Variants in F13B observed in about 807,000 individuals in gnomAD.
F13B encodes the protein coagulation factor XIII B chain, also known as TGase.
A neutral mutation model predicts 79.8 loss-of-function variants in F13B; 58 were observed. The observed-to-expected ratio is 0.73, with a 90% CI of 0.59 to 0.90. The LOEUF (loss-of-function observed/expected upper bound fraction) is 0.90, where lower values mean the gene tolerates loss of function less well. F13B is among the 40% of genes least tolerant of loss of function. The pLI, the probability that F13B is intolerant of heterozygous loss-of-function variation, is 0.00. For missense variants in F13B, 773 were observed against 777.0 expected, an observed-to-expected ratio of 0.99 and a Z score of 0.06; for synonymous variants, 283 against 260.3, an observed-to-expected ratio of 1.09 and a Z score of -0.84.
intron 3 of F13B, 132 bp downstream of exon 3, chr1:197,061,652 T>C: frequency 1.3e-6 from 1 of 782,642 alleles, no homozygotes; most frequent in Non-Finnish European, 2.0e-6. Context: ...AGCAATGTAA[T>C]ATCAACTTCC....
At position 197,061,085 on chromosome 1, in the gene F13B, T is replaced by C. The variant is rs746832989; in HGVS notation, c.452-10A>G. On this transcript the variant is annotated splice_polypyrimidine_tract_variant and intron_variant, in intron 3 of 11. Coordinates refer to ENST00000367412, the MANE Select transcript of F13B (RefSeq NM_001994.3). ...GGAGCCAAACATGTTTCTAAAATTA[T>C]AAAAATTATTTATTTTATAAACTTT... is the stretch of plus-strand genomic sequence containing the variant. 4.7e-6 allele frequency: 6 copies of C among 1,280,704 alleles called. No individual in the cohort carries two copies. Among genetic ancestry groups the C allele is most frequent in the Non-Finnish European group, 6.4e-6 (6 of 932,744 alleles). The allele number at this position is 1,280,704 out of a possible 1,614,324, so 79.3% of individuals were successfully genotyped here.
At chr1:197,064,824 T>C (rs535114576) in intron 1 of F13B, among the ~76,000 whole-genome samples, 2 of 152,320 alleles carry the variant, frequency 1.3e-5, no homozygotes, top group South Asian at 4.1e-4. Flanking sequence ...CGAACAATCC[T>C]AGGAGCTGTG....
At chr1:197,060,627 A>C in intron 4 of F13B, 85 bp from the exon 5 acceptor site, 1 of 974,756 alleles carries the variant, frequency 1.0e-6, no homozygotes, top group South Asian at 1.6e-5. Context: ...TGACATAACT[A>C]GAATAGAAAT....
At chr1:197,039,693 A>C (rs945765536) in intron 11 of F13B, among the ~76,000 whole-genome samples, 1 of 152,080 alleles carries the variant, frequency 6.6e-6, no homozygotes, top group Non-Finnish European at 1.5e-5. Context: ...ATAGCATATA[A>C]AATTTTTTCC....
chr1:197,040,336 G>T, intron 11 of F13B, 186 bp downstream of exon 11: 1 of 557,556 alleles, frequency 1.8e-6, no homozygotes, highest in Non-Finnish European at 3.2e-6. Flanking sequence ...AGACAATTCA[G>T]AAGGCCTGTT....
rs1655669621 is a variant in F13B at position 197,057,076 on chromosome 1, G to A, written c.1108C>T (p.Leu370Phe). 6.2e-7 allele frequency: 1 copy of A among 1,613,680 alleles called. No homozygotes were observed. The highest frequency in any genetic ancestry group is 1.7e-5 in the Admixed American group (1 of 59,912). The change falls in exon 7 of 12, where the codon CTC (leucine) becomes TTC (phenylalanine). Residue 370 changes from leucine to phenylalanine, a missense_variant. Physicochemically the swap from Leu to Phe is conservative, Grantham distance 22. Coordinates refer to ENST00000367412, the MANE Select transcript of F13B (RefSeq NM_001994.3). ...CAAGTTATCTCATTCGATCCATGGA[G>A]AAGGTAGCCGCTTTTACATGCATAT... ...VTYACKSGYLLHGSNEITCNR... is the reference protein window; with the variant it reads ...VTYACKSGYLFHGSNEITCNR...
intron 10 of F13B, among the ~76,000 whole-genome samples, chr1:197,045,716 A>G (rs1655204230): frequency 6.6e-6 from 1 of 152,020 alleles, no homozygotes; most frequent in Non-Finnish European, 1.5e-5. Context: ...ACAACAAAAA[A>G]CAGAATTTAG....
At position 197,040,870 on chromosome 1, in the gene F13B, T is replaced by C. The variant is rs964850822; in HGVS notation, c.1739-135A>G. On this transcript the variant is annotated intron_variant, in intron 10 of 11. Coordinates refer to ENST00000367412, the MANE Select transcript of F13B (RefSeq NM_001994.3). ...CTCAGGCCTAAGAGCAGCAAGTCAGTTAATCAGAATTAATATTTGAGTCAG... is the reference window on the plus strand; with the variant it reads ...CTCAGGCCTAAGAGCAGCAAGTCAGCTAATCAGAATTAATATTTGAGTCAG... The C allele has an allele frequency of 9.2e-6, 6 of 651,710 alleles. No individual in the cohort carries two copies. The Admixed American group carries it at 1.8e-4, about 19-fold the overall frequency. 40.4% of individuals were successfully genotyped at this position (651,710 alleles called of 1,614,324 possible).
rs192220037 is a variant in F13B, at chr1:197,055,756, C to T, written c.1313G>A (p.Arg438His). ...YYLLRGSKIS[R>H]CEQGKWSSPP... Reference sequence around the variant, plus strand: ...GGATGACCATTTTCCTTGTTCGCAACGAGATATTTTTGATCCCCTCAGTAA... The same window carrying T: ...GGATGACCATTTTCCTTGTTCGCAATGAGATATTTTTGATCCCCTCAGTAA... The change falls in exon 8 of 12, where the codon CGT becomes CAT. Residue 438 changes from arginine (R) to histidine (H), a missense_variant. Coordinates refer to ENST00000367412, the MANE Select transcript of F13B (RefSeq NM_001994.3). 3.0e-5 allele frequency: 49 copies of T among 1,613,526 alleles called. No individual in the cohort carries two copies. Among genetic ancestry groups the T allele is most frequent in the Admixed American group, 1.2e-4 (7 of 59,894 alleles).
chr1:197,039,470 AC>A lies in F13B; in HGVS notation c.1953-60del, dbSNP rs1316315859. The A allele has an allele frequency of 1.9e-5, 26 of 1,334,854 alleles. No individual in the cohort carries two copies. In the African/African-American group the frequency reaches 2.4e-4, roughly 13 times the overall value. The allele number at this position is 1,334,854 out of a possible 1,614,324, so 82.7% of individuals were successfully genotyped here. A position where few individuals can be genotyped will look rare whatever the true frequency, so the allele number is the denominator to read the frequency against. Reference sequence around the variant, plus strand: ...CATCAATTGCAGTCAGGTGTTAATTACAATCTCAGCCTTTCAATTTTTCATA... The same window carrying A: ...CATCAATTGCAGTCAGGTGTTAATTAAATCTCAGCCTTTCAATTTTTCATA... On this transcript the variant is annotated intron_variant, in intron 11 of 11. Transcript: ENST00000367412.
In F13B at chr1:197,060,869, GAGT is replaced by G. The variant is rs760366877; in HGVS notation, c.628+27_628+29del. Reference sequence around the variant, plus strand: ...CTATGAGAAAAAGCTTTCAGAGTGAGAGTAGATTTTATTCCAAATGAGAACCTA... The same window carrying G: ...CTATGAGAAAAAGCTTTCAGAGTGAGAGATTTTATTCCAAATGAGAACCTA... On this transcript the variant is annotated intron_variant, in intron 4 of 11. Coordinates refer to ENST00000367412, the MANE Select transcript of F13B (RefSeq NM_001994.3). 109 of 1,593,460 alleles carry G rather than the reference GAGT, an allele frequency of 6.8e-5. 3 individuals carry two copies. The South Asian group carries it at 8.9e-4, about 13-fold the overall frequency.
Position 197,061,982 on chromosome 1 carries a change from A to G in F13B, c.266-13T>C. ...TTAGTGCATTTTTCTATGGGAAAAA[A>G]AATTATTTAACTTAATGATGAAACT... On this transcript the variant is annotated splice_polypyrimidine_tract_variant and intron_variant, in intron 2 of 11. Transcript: ENST00000367412. 6.2e-7 allele frequency: 1 copy of G among 1,601,402 alleles called. No homozygotes were observed. The highest frequency in any genetic ancestry group is 8.5e-7 in the Non-Finnish European group (1 of 1,170,352).
At chr1:197,059,702 C>T (rs915826609) in intron 5 of F13B, among the ~76,000 whole-genome samples, 1 of 152,140 alleles carries the variant, frequency 6.6e-6, no homozygotes, top group Non-Finnish European at 1.5e-5. Context: ...CCATTTGTCA[C>T]ATTATAGCAA....
At chr1:197,061,594 T>C (rs1401097286) in intron 3 of F13B, among the ~76,000 whole-genome samples, 190 bp downstream of exon 3, 3 of 152,102 alleles carry the variant, frequency 2.0e-5, no homozygotes, top group African/African-American at 7.2e-5. Context: ...AGGTGGGTTG[T>C]AGGGATTGAG....
At chr1:197,059,768 C>T (rs1382229218) in intron 5 of F13B, among the ~76,000 whole-genome samples, 1 of 152,040 alleles carries the variant, frequency 6.6e-6, no homozygotes, top group Non-Finnish European at 1.5e-5. Flanking sequence ...GTATAGGACC[C>T]TCCTCATATT....
intron 7 of F13B, among the ~76,000 whole-genome samples, chr1:197,056,179 CT>C (rs1367966959): frequency 1.3e-5 from 2 of 152,136 alleles, no homozygotes; most frequent in Non-Finnish European, 1.5e-5. Flanking sequence ...GAATGAGAAA[CT>C]GTTCTTCAAC....
In F13B at chr1:197,052,655, AT is replaced by A. The variant is rs1486137949; in HGVS notation, c.1533del (p.Lys511AsnfsTer30). On this transcript the variant is annotated frameshift_variant, in exon 9 of 12. Transcript: ENST00000367412. LOFTEE classifies it high-confidence loss of function. ...TTACCTTTTCTAGTACATAAAGGATATTTCACTTCTCCTCTGTTGCACTGCA... is the reference window on the plus strand; with the variant it reads ...TTACCTTTTCTAGTACATAAAGGATATTCACTTCTCCTCTGTTGCACTGCA... Reference protein sequence around the residue: ...LSVQCNRGEVKYPLCTRKESK... With the variant: ...LSVQCNRGEVXYPLCTRKESK... The A allele has an allele frequency of 6.2e-7, 1 of 1,611,006 alleles. No homozygotes were observed. The highest frequency in any genetic ancestry group is 8.5e-7 in the Non-Finnish European group (1 of 1,178,176).
chr1:197,062,978 T>A lies in F13B; in HGVS notation c.144A>T (p.Pro48=). 1 of 1,613,804 alleles carries A rather than the reference T, an allele frequency of 6.2e-7. No homozygotes were observed. Among genetic ancestry groups the A allele is most frequent in the Non-Finnish European group, 8.5e-7 (1 of 1,179,770 alleles). Residue 48 remains proline, a synonymous_variant, in exon 2 of 12, where the codon CCA becomes CCT. Coordinates refer to ENST00000367412, the MANE Select transcript of F13B (RefSeq NM_001994.3). ...YYYTFKSFYF[P]MSIDKKLSFF... ...ATGACAATTTTTTGTCTATGCTCATTGGAAAGTAAAAGCTTTTAAAAGTAT... is the reference window on the plus strand; with the variant it reads ...ATGACAATTTTTTGTCTATGCTCATAGGAAAGTAAAAGCTTTTAAAAGTAT...
chr1:197,053,828 T>C (rs1655537592), intron 8 of F13B, among the ~76,000 whole-genome samples: 1 of 152,016 alleles, frequency 6.6e-6, no homozygotes, highest in African/African-American at 2.4e-5. Flanking sequence ...GAGTGAACCA[T>C]GTCATTTTCT....
Sources: allele counts gnomAD v4.1 joint callset (sites outside exome capture counted in the v4.1 genomes callset), GRCh38; gene constraint gnomAD v4.1.1; transcripts MANE v1.5; gene names NCBI Gene and HGNC (gene_info 2026-07-23, HGNC 2026-07-21).